NAALADL2: variants seen among roughly 807,000 people sequenced by gnomAD.
NAALADL2 encodes N-acetylated alpha-linked acidic dipeptidase like 2, also known as inactive N-acetylated-alpha-linked acidic dipeptidase-like protein 2.
In NAALADL2, 76 loss-of-function variants were observed where a neutral mutation model predicts 87.2. The ratio of observed to expected loss-of-function variants is 0.87; its 90% CI spans 0.72 to 1.05. NAALADL2 has a LOEUF of 1.05. Ranked by LOEUF, NAALADL2 falls within the 50% of genes least tolerant of loss-of-function variation. The pLI is 0.00. For missense variants in NAALADL2, 1,089 were observed against 945.8 expected, an observed-to-expected ratio of 1.15 and a Z score of -1.99; for synonymous variants, 354 against 331.0, an observed-to-expected ratio of 1.07 and a Z score of -0.75.
chr3:175,802,917 C>A, intron 13 of NAALADL2, 88 bp from the exon 14 acceptor site: 1 of 794,340 alleles, frequency 1.3e-6, no homozygotes, highest in Non-Finnish European at 2.0e-6. Flanking sequence ...TTGAAAACAT[C>A]ACTGACTCTT....
chr3:174,512,895 T>G (rs760624042), intron 1 of NAALADL2, among the ~76,000 whole-genome samples: 21 of 152,166 alleles, frequency 1.4e-4, no homozygotes, highest in Non-Finnish European at 3.1e-4. Flanking sequence ...TACTTCACCT[T>G]GATTTAAGTG....
intron 2 of NAALADL2, among the ~76,000 whole-genome samples, chr3:175,106,990 T>C (rs1001447270): frequency 6.6e-5 from 10 of 152,046 alleles, no homozygotes; most frequent in African/African-American, 1.9e-4. Flanking sequence ...AGAGAGAAAG[T>C]AAAGTTGCTG....
chr3:174,930,943 A>G (rs1327507604), intron 1 of NAALADL2, among the ~76,000 whole-genome samples: 2 of 151,896 alleles, frequency 1.3e-5, no homozygotes, highest in Non-Finnish European at 2.9e-5. Flanking sequence ...TTTAAATGCT[A>G]TTTGTATATA....
At chr3:175,636,684 C>G (rs1448791736) in intron 11 of NAALADL2, among the ~76,000 whole-genome samples, 1 of 123,940 alleles carries the variant, frequency 8.1e-6, no homozygotes, top group Non-Finnish European at 1.6e-5. Context: ...GGTGACAGAG[C>G]AAGACTCCAT....
chr3:175,389,515 TCTA>T (rs573638326), intron 5 of NAALADL2, among the ~76,000 whole-genome samples: 1 of 152,202 alleles, frequency 6.6e-6, no homozygotes, highest in Non-Finnish European at 1.5e-5. Flanking sequence ...CTTGAATTAA[TCTA>T]CTGTGTTTTA....
chr3:175,216,820 C>A lies in NAALADL2; in HGVS notation c.546-17111C>A, dbSNP rs937785626. ...AGTACCTGGGATTACGGGTGCCCCC[C>A]ACAATGCCCAGCTAATTTTTGTATT... On this transcript the variant is annotated intron_variant, in intron 2 of 13. Coordinates refer to ENST00000454872, the MANE Select transcript of NAALADL2 (RefSeq NM_207015.3). Among the ~76,000 whole-genome samples the A allele has an allele frequency of 5.9e-5, 9 of 152,074 alleles. No individual in the cohort carries two copies. In the South Asian group the frequency reaches 8.3e-4, roughly 14 times the overall value.
At chr3:174,623,739 T>C (rs1035497516) in intron 2 of NAALADL2, among the ~76,000 whole-genome samples, 1 of 152,116 alleles carries the variant, frequency 6.6e-6, no homozygotes, top group African/African-American at 2.4e-5. Context: ...TTGCTCTGAT[T>C]TCTAAGTGTA....
intron 1 of NAALADL2, among the ~76,000 whole-genome samples, chr3:175,012,411 G>T (rs1211413280): frequency 6.6e-6 from 1 of 151,988 alleles, no homozygotes; most frequent in African/African-American, 2.4e-5. Context: ...CAGGTGATCC[G>T]CCCACAACGG....
chr3:174,825,224 G>T (rs544671590), intron 3 of NAALADL2, among the ~76,000 whole-genome samples: 1 of 152,222 alleles, frequency 6.6e-6, no homozygotes, highest in Non-Finnish European at 1.5e-5. Flanking sequence ...ACTCAAGAAG[G>T]CTGGCAGTAT....
intron 1 of NAALADL2, among the ~76,000 whole-genome samples, chr3:174,942,534 C>A (rs953985465): frequency 9.2e-5 from 14 of 151,736 alleles, no homozygotes; most frequent in African/African-American, 3.4e-4. Flanking sequence ...CTTGTGTAGA[C>A]TCTTGCAGGA....
chr3:175,097,117 A>T lies in NAALADL2; in HGVS notation c.371A>T (p.His124Leu). ...AAGAGCAATCGCTGCAACTTTTGCCACGTCTTAAAAATACTTTGCACAGCC... is the reference window on the plus strand; with the variant it reads ...AAGAGCAATCGCTGCAACTTTTGCCTCGTCTTAAAAATACTTTGCACAGCC... ...APKSNRCNFC[H>L]VLKILCTATI... Residue 124 changes from histidine to leucine, a missense_variant, in exon 2 of 14, where the codon CAC becomes CTC. Physicochemically the swap from His to Leu is moderately conservative, Grantham distance 99 (BLOSUM62 -3). Transcript: ENST00000454872. The T allele has an allele frequency of 6.2e-7, 1 of 1,613,830 alleles. No individual in the cohort carries two copies. Among genetic ancestry groups the T allele is most frequent in the South Asian group, 1.1e-5 (1 of 91,086 alleles).
At chr3:174,809,867 A>G (rs904606858) in intron 3 of NAALADL2, among the ~76,000 whole-genome samples, 1 of 152,160 alleles carries the variant, frequency 6.6e-6, no homozygotes, top group African/African-American at 2.4e-5. Flanking sequence ...TCCTGCACAA[A>G]TGGTTTAGCA....
chr3:175,368,904 TA>T (rs1005234974), intron 5 of NAALADL2, among the ~76,000 whole-genome samples: 3 of 151,746 alleles, frequency 2.0e-5, no homozygotes, highest in South Asian at 2.1e-4. Flanking sequence ...TATAAAAGAT[TA>T]AAAAAAATTG....
At chr3:174,980,010 C>T (rs1036697363) in intron 1 of NAALADL2, among the ~76,000 whole-genome samples, 3 of 152,116 alleles carry the variant, frequency 2.0e-5, no homozygotes, top group Non-Finnish European at 2.9e-5. Flanking sequence ...TATTGTCACT[C>T]TCATGTTGCT....
intron 2 of NAALADL2, among the ~76,000 whole-genome samples, chr3:175,102,276 T>G (rs1460362872): frequency 6.6e-6 from 1 of 152,178 alleles, no homozygotes; most frequent in Non-Finnish European, 1.5e-5. Context: ...AATCACAGCT[T>G]CAAGGAGTTC....
At chr3:175,716,272 TA>T (rs1470682339) in intron 11 of NAALADL2, among the ~76,000 whole-genome samples, 2 of 145,944 alleles carry the variant, frequency 1.4e-5, no homozygotes, top group Non-Finnish European at 3.0e-5. Flanking sequence ...ATAATATATA[TA>T]ATATATATTA....
At chr3:174,626,368 T>C (rs916491913) in intron 2 of NAALADL2, among the ~76,000 whole-genome samples, 1 of 152,054 alleles carries the variant, frequency 6.6e-6, no homozygotes, top group Non-Finnish European at 1.5e-5. Context: ...CTATTTTCAG[T>C]TACATTTCTT....
intron 2 of NAALADL2, among the ~76,000 whole-genome samples, chr3:174,569,484 C>A (rs1283162778): frequency 6.6e-6 from 1 of 152,060 alleles, no homozygotes; most frequent in African/African-American, 2.4e-5. Flanking sequence ...TCTTTATCTA[C>A]TGTTGCCATC....
intron 1 of NAALADL2, among the ~76,000 whole-genome samples, chr3:174,863,140 A>G (rs1204249707): frequency 1.3e-5 from 2 of 152,158 alleles, no homozygotes; most frequent in African/African-American, 4.8e-5. Context: ...CAGAGATCCT[A>G]TGAAGCTAGG....
Sources: allele counts gnomAD v4.1 joint callset (sites outside exome capture counted in the v4.1 genomes callset), GRCh38; gene constraint gnomAD v4.1.1; transcripts MANE v1.5; gene names NCBI Gene and HGNC (gene_info 2026-07-23, HGNC 2026-07-21).